Variants in STK39 observed in about 807,000 individuals in gnomAD.
The protein encoded by STK39 is STE20/SPS1-related proline-alanine-rich protein kinase.
A neutral mutation model predicts 77.8 loss-of-function variants in STK39; 20 were observed. The ratio of observed to expected loss-of-function variants is 0.26; its 90% CI spans 0.18 to 0.37. The LOEUF (loss-of-function observed/expected upper bound fraction) is 0.37, where lower values mean the gene tolerates loss of function less well. Ranked by LOEUF, STK39 falls within the 10% of genes least tolerant of loss-of-function variation. STK39 has a pLI of 1.00. For synonymous variants in STK39, 246 were observed against 234.1 expected, an observed-to-expected ratio of 1.05 and a Z score of -0.47; for missense variants, 479 against 656.5, an observed-to-expected ratio of 0.73 and a Z score of 2.95.
intron 1 of STK39, among the ~76,000 whole-genome samples, chr2:168,227,500 C>G (rs1690337590): frequency 6.6e-6 from 1 of 152,088 alleles, no homozygotes; most frequent in Non-Finnish European, 1.5e-5. Context: ...CAAAAAGATA[C>G]CACATATTTA....
intron 1 of STK39, among the ~76,000 whole-genome samples, 182 bp downstream of exon 1, chr2:168,247,045 CA>C (rs1310336901): frequency 2.6e-5 from 1 of 38,922 alleles, no homozygotes; most frequent in Non-Finnish European, 5.6e-5. Context: ...ATAGAACGAA[CA>C]AATACATTAA....
At position 167,997,154 on chromosome 2, in the gene STK39, C is replaced by T. The variant is rs1683866815; in HGVS notation, c.1498+15480G>A. Reference sequence around the variant, plus strand: ...CAGAGAAGTAATAGGAGAAGGTTTTCCCACTGCTAGTGTGGAGGTGGCAGA... The same window carrying T: ...CAGAGAAGTAATAGGAGAAGGTTTTTCCACTGCTAGTGTGGAGGTGGCAGA... On this transcript the variant is annotated intron_variant, in intron 16 of 17. Transcript: ENST00000355999. Among the ~76,000 whole-genome samples, 2 of 151,470 alleles carry T rather than the reference C, an allele frequency of 1.3e-5. 1 individual carries two copies. Among genetic ancestry groups the T allele is most frequent in the South Asian group, 4.2e-4 (2 of 4,752 alleles).
At chr2:168,057,536 ACACGCACGTGCACACACACACACG>A (rs1378706538) in intron 14 of STK39, among the ~76,000 whole-genome samples, 1 of 151,682 alleles carries the variant, frequency 6.6e-6, no homozygotes, top group African/African-American at 2.4e-5. Flanking sequence ...AATTATAATC[ACACGCACGTGCACACACACACACG>A]CATGCACGCG....
At chr2:167,958,785 T>C (rs1040586312) in intron 17 of STK39, among the ~76,000 whole-genome samples, 1 of 152,244 alleles carries the variant, frequency 6.6e-6, no homozygotes, top group Non-Finnish European at 1.5e-5. Flanking sequence ...AACCACAGTA[T>C]TGAAGTTTTC....
chr2:168,006,745 T>C (rs769825929), intron 16 of STK39, among the ~76,000 whole-genome samples: 1 of 152,196 alleles, frequency 6.6e-6, no homozygotes, highest in Non-Finnish European at 1.5e-5. Context: ...AGCCTAAAAA[T>C]GTTTCCTGTT....
intron 17 of STK39, among the ~76,000 whole-genome samples, chr2:167,963,684 T>C (rs1183901384): frequency 6.6e-6 from 1 of 152,210 alleles, no homozygotes; most frequent in African/African-American, 2.4e-5. Context: ...TGTGAAAATC[T>C]TTGTGTTTTT....
At chr2:168,145,436 G>A (rs2105543538) in intron 5 of STK39, among the ~76,000 whole-genome samples, 1 of 152,148 alleles carries the variant, frequency 6.6e-6, no homozygotes, top group East Asian at 1.9e-4. Context: ...TCCAAGGCAG[G>A]CCCCTGCTGC....
intron 16 of STK39, among the ~76,000 whole-genome samples, chr2:167,977,560 T>C (rs1302893008): frequency 1.3e-5 from 2 of 150,744 alleles, no homozygotes; most frequent in African/African-American, 4.9e-5. Context: ...TAAGAATTAG[T>C]TTACTTGCTT....
intron 1 of STK39, among the ~76,000 whole-genome samples, chr2:168,216,635 CT>C (rs1690031593): frequency 6.6e-6 from 1 of 152,166 alleles, no homozygotes; most frequent in Admixed American, 6.5e-5. Flanking sequence ...CCATCCTCAG[CT>C]TGAGCAAACC....
intron 16 of STK39, among the ~76,000 whole-genome samples, chr2:167,977,991 A>G (rs1683324619): frequency 6.6e-6 from 1 of 152,168 alleles, no homozygotes; most frequent in African/African-American, 2.4e-5. Flanking sequence ...AGATGGAATC[A>G]TTGGGGGTTG....
At chr2:168,236,702 G>A (rs1427471460) in intron 1 of STK39, among the ~76,000 whole-genome samples, 1 of 152,172 alleles carries the variant, frequency 6.6e-6, no homozygotes, top group Non-Finnish European at 1.5e-5. Context: ...TTATTAAATA[G>A]GGAATCATTT....
At chr2:167,996,415 A>T (rs528158041) in intron 16 of STK39, among the ~76,000 whole-genome samples, 12 of 152,326 alleles carry the variant, frequency 7.9e-5, no homozygotes, top group African/African-American at 2.9e-4. Flanking sequence ...TTATAAGAAG[A>T]AGTCTGTACA....
At chr2:168,064,175 C>A (rs1559079826) in intron 13 of STK39, among the ~76,000 whole-genome samples, 1 of 152,116 alleles carries the variant, frequency 6.6e-6, no homozygotes, top group African/African-American at 2.4e-5. Context: ...CATGAGCAAG[C>A]CATTCTCTGA....
At chr2:168,031,369 G>A (rs1684829465) in intron 14 of STK39, among the ~76,000 whole-genome samples, 1 of 152,114 alleles carries the variant, frequency 6.6e-6, no homozygotes, top group African/African-American at 2.4e-5. Flanking sequence ...GCTTCCCAGG[G>A]ATGCCCCTTC....
At chr2:168,231,896 G>T in intron 1 of STK39, 1 of 235,006 alleles carries the variant, frequency 4.3e-6, no homozygotes, top group South Asian at 8.0e-5. Context: ...GCTTGATGTG[G>T]GGGGAGGAAG....
intron 16 of STK39, among the ~76,000 whole-genome samples, chr2:167,985,100 C>T (rs772562088): frequency 2.2e-4 from 33 of 152,120 alleles, no homozygotes; most frequent in Non-Finnish European, 4.3e-4. Flanking sequence ...TGCAACTAAC[C>T]ATATGTAGAC....
chr2:168,060,273 C>G (rs1685630802), intron 14 of STK39, among the ~76,000 whole-genome samples: 1 of 152,092 alleles, frequency 6.6e-6, no homozygotes, highest in South Asian at 2.1e-4. Context: ...CGTGGCCCAC[C>G]CTGAAAAAAA....
chr2:167,993,095 C>A (rs1160373187), intron 16 of STK39, among the ~76,000 whole-genome samples: 1 of 152,194 alleles, frequency 6.6e-6, no homozygotes, highest in Non-Finnish European at 1.5e-5. Context: ...ATAAAAGCAA[C>A]GTAATAAGTT....
intron 14 of STK39, among the ~76,000 whole-genome samples, chr2:168,059,322 G>A (rs972140725): frequency 2.9e-4 from 44 of 152,298 alleles, no homozygotes; most frequent in African/African-American, 1.0e-3. Context: ...ATGGCACATG[G>A]CAAAGGTGAA....
Sources: gnomAD v4.1 joint callset for allele counts (sites outside exome capture counted in the v4.1 genomes callset) on GRCh38, gnomAD v4.1.1 for gene constraint, MANE v1.5 for transcripts, NCBI Gene and HGNC (gene_info 2026-07-23, HGNC 2026-07-21) for gene names.